The following HTT-AS variants were observed in gnomAD, a reference collection of about 807,000 sequenced individuals.
HTT-AS encodes the protein HTT antisense RNA.
At chr4:3,048,002 A>C (rs1711628794), downstream of HTT-AS, among the ~76,000 whole-genome samples, 1 of 152,128 alleles carries the variant, frequency 6.6e-6, no homozygotes, top group Non-Finnish European at 1.5e-5. Context: ...ATCATTGGAG[A>C]TGACTCACAC....
chr4:3,062,305 C>T lies in HTT-AS; in HGVS notation n.1380+129G>A, dbSNP rs544136866. Among the ~76,000 whole-genome samples, 4 of 152,298 alleles carry T rather than the reference C, an allele frequency of 2.6e-5. No homozygotes were observed. The South Asian group carries it at 6.2e-4, about 24-fold the overall frequency. ...TCAGCCTCCCGAAATGCTGGGATTACAGGCATGAGCCAGCATGCCCGGCCT... is the reference window on the plus strand; with the variant it reads ...TCAGCCTCCCGAAATGCTGGGATTATAGGCATGAGCCAGCATGCCCGGCCT... On this transcript the variant is annotated intron_variant and non_coding_transcript_variant, in intron 2 of 2. Transcript: ENST00000664062.
downstream of HTT-AS, among the ~76,000 whole-genome samples, chr4:3,046,357 AG>A (rs1240772684): frequency 6.6e-6 from 1 of 152,234 alleles, no homozygotes; most frequent in Non-Finnish European, 1.5e-5. Context: ...TTGAACTCTC[AG>A]CAGTGTACGA....
intron 1 of HTT-AS, among the ~76,000 whole-genome samples, chr4:3,067,103 T>G (rs1712071306): frequency 6.6e-6 from 1 of 152,116 alleles, no homozygotes. Context: ...ATTCCAGAAC[T>G]TAATGGTAAA....
At chr4:3,062,730 A>C (rs1396106510) in exon 2 of HTT-AS, among the ~76,000 whole-genome samples, 1 of 151,886 alleles carries the variant, frequency 6.6e-6, no homozygotes, top group Non-Finnish European at 1.5e-5. Flanking sequence ...TTATCATTAG[A>C]ACAGACTCTT....
At chr4:3,067,837 C>A (rs1359644484) in intron 1 of HTT-AS, among the ~76,000 whole-genome samples, 1 of 152,154 alleles carries the variant, frequency 6.6e-6, no homozygotes, top group Non-Finnish European at 1.5e-5. Context: ...CCTCGAGGGC[C>A]ATCTGGCCAA....
chr4:3,065,319 C>T (rs569519222), intron 1 of HTT-AS, among the ~76,000 whole-genome samples: 3 of 151,790 alleles, frequency 2.0e-5, no homozygotes, highest in East Asian at 1.9e-4. Context: ...GCTCACTGCA[C>T]GCCCCCCGCC....
chr4:3,060,471 G>A (rs1711904128), intron 2 of HTT-AS, among the ~76,000 whole-genome samples: 1 of 152,178 alleles, frequency 6.6e-6, no homozygotes, highest in Admixed American at 6.5e-5. Context: ...AATTTAGAAA[G>A]TTTATTTTGC....
chr4:3,064,169 C>T (rs1711997639), intron 1 of HTT-AS, among the ~76,000 whole-genome samples: 1 of 151,152 alleles, frequency 6.6e-6, no homozygotes, highest in Non-Finnish European at 1.5e-5. Context: ...AATCTCAGCT[C>T]ACTACAAGCT....
At chr4:3,068,667 T>C (rs1712102938) in intron 1 of HTT-AS, among the ~76,000 whole-genome samples, 1 of 149,880 alleles carries the variant, frequency 6.7e-6, no homozygotes, top group African/African-American at 2.5e-5. Flanking sequence ...TTTTTTTTTT[T>C]TTGTCAAGAT....
chr4:3,069,195 G>T (rs1712115487), intron 1 of HTT-AS, among the ~76,000 whole-genome samples: 1 of 151,468 alleles, frequency 6.6e-6, no homozygotes, highest in Non-Finnish European at 1.5e-5. Context: ...ACCCAGGCTG[G>T]AGTGTTGTGG....
At chr4:3,052,868 C>T (rs1479304323) in intron 2 of HTT-AS, among the ~76,000 whole-genome samples, 4 of 152,128 alleles carry the variant, frequency 2.6e-5, no homozygotes, top group Non-Finnish European at 4.4e-5. Context: ...TGGCGGCATG[C>T]GCCTATAGTC....
At chr4:3,070,277 CTTAT>C (rs1211571217) in intron 1 of HTT-AS, 1 of 151,420 alleles carries the variant, frequency 6.6e-6, no homozygotes, top group Non-Finnish European at 1.5e-5. Flanking sequence ...GACTAGGAAC[CTTAT>C]TTCTCTCTCG....
intron 1 of HTT-AS, among the ~76,000 whole-genome samples, chr4:3,071,835 G>A (rs1712180187): frequency 6.6e-6 from 1 of 152,224 alleles, no homozygotes; most frequent in Non-Finnish European, 1.5e-5. Flanking sequence ...GCAGCTGTCT[G>A]CAAGTCAAGG....
chr4:3,074,016 G>T (rs1001633476), intron 1 of HTT-AS, among the ~76,000 whole-genome samples: 1 of 94,830 alleles, frequency 1.1e-5, no homozygotes, highest in Non-Finnish European at 2.2e-5. Context: ...CCACGGCCCC[G>T]CCCCGTCCAT....
chr4:3,050,531 T>A (rs1034283198), intron 2 of HTT-AS, among the ~76,000 whole-genome samples: 1 of 152,164 alleles, frequency 6.6e-6, no homozygotes, highest in Non-Finnish European at 1.5e-5. Flanking sequence ...ATGAATCTCC[T>A]AAAAGACACC....
At chr4:3,060,042 C>G (rs1711897650) in intron 2 of HTT-AS, among the ~76,000 whole-genome samples, 1 of 151,538 alleles carries the variant, frequency 6.6e-6, no homozygotes, top group African/African-American at 2.4e-5. Flanking sequence ...CTGCGTCGGT[C>G]TCCTGAGTAG....
rs1330486580 is a variant in HTT-AS at position 3,059,913 on chromosome 4, C to CTG, written n.1380+2519_1380+2520dup. Among the ~76,000 whole-genome samples, 3 of 120,896 alleles carry CTG rather than the reference C, an allele frequency of 2.5e-5. No homozygotes were observed. The South Asian group carries it at 1.0e-3, about 42-fold the overall frequency. The allele number at this position is 120,896 out of a possible 152,430, so 79.3% of individuals were successfully genotyped here. A position where few individuals can be genotyped will look rare whatever the true frequency, so the allele number is the denominator to read the frequency against. ...TAATGTTGCTTTAACATCTTTGTCC[C>CTG]TGTGTTTTTTGTTTTTTTTTTTGAG... On this transcript the variant is annotated intron_variant and non_coding_transcript_variant, in intron 2 of 2. Transcript: ENST00000664062.
intron 2 of HTT-AS, among the ~76,000 whole-genome samples, chr4:3,058,288 T>C (rs1304530223): frequency 6.6e-6 from 1 of 151,378 alleles, no homozygotes; most frequent in African/African-American, 2.4e-5. Context: ...ATTGCGCCAT[T>C]GCACTCCAGC....
At chr4:3,051,767 C>T (rs189440150) in intron 2 of HTT-AS, among the ~76,000 whole-genome samples, 3 of 150,274 alleles carry the variant, frequency 2.0e-5, no homozygotes, top group Non-Finnish European at 2.9e-5. Context: ...TGTGTCTTCC[C>T]GTGCTGTTCT....
Sources: allele counts gnomAD v4.1 joint callset (sites outside exome capture counted in the v4.1 genomes callset), GRCh38; gene constraint gnomAD v4.1.1; transcripts MANE v1.5; gene names NCBI Gene and HGNC (gene_info 2026-07-23, HGNC 2026-07-21).